ZNF385D: variants seen among roughly 807,000 people sequenced by gnomAD.
The protein encoded by ZNF385D is zinc finger protein 659.
ZNF385D carries 15 observed loss-of-function variants against 35.8 expected under a neutral mutation model. That is an observed-to-expected ratio of 0.42 (90% CI 0.28 to 0.64). The LOEUF (loss-of-function observed/expected upper bound fraction) is 0.64. Among genes scored for constraint, ZNF385D ranks in the 30% least tolerant of loss-of-function variants. The pLI is 0.23. For synonymous variants in ZNF385D, 212 were observed against 186.8 expected, an observed-to-expected ratio of 1.13 and a Z score of -1.10; for missense variants, 474 against 494.6, an observed-to-expected ratio of 0.96 and a Z score of 0.39.
At chr3:22,277,088 C>A (rs1227151035) in intron 2 of ZNF385D, among the ~76,000 whole-genome samples, 6 of 152,072 alleles carry the variant, frequency 3.9e-5, no homozygotes, top group Non-Finnish European at 5.9e-5. Flanking sequence ...GCTCAAAATT[C>A]TAATTCTAAG....
At position 21,419,356 on chromosome 3, in the gene ZNF385D, A is replaced by C. The variant is rs1700643818; in HGVS notation, c.*1858T>G. On this transcript the variant is annotated 3_prime_UTR_variant, in exon 8 of 8. Coordinates refer to ENST00000281523, the MANE Select transcript of ZNF385D (RefSeq NM_024697.3). ...TAGATGGTGGAGAAGAACTCCAAAA[A>C]ACCATGTTTAATGTTGAGCACCAAG... 6.6e-6 allele frequency: 1 copy of C among 152,082 alleles called. No homozygotes were observed. The highest frequency in any genetic ancestry group is 6.6e-5 in the Admixed American group (1 of 15,252). The allele number at this position is 152,082 out of a possible 1,614,324, so 9.4% of individuals were successfully genotyped here. A position where few individuals can be genotyped will look rare whatever the true frequency, so the allele number is the denominator to read the frequency against.
chr3:21,955,922 A>C (rs1702262528), intron 3 of ZNF385D, among the ~76,000 whole-genome samples: 1 of 152,122 alleles, frequency 6.6e-6, no homozygotes, highest in Non-Finnish European at 1.5e-5. Flanking sequence ...ATAATGGATC[A>C]GGTCTGAAAT....
intron 3 of ZNF385D, among the ~76,000 whole-genome samples, chr3:22,072,328 T>C (rs937438676): frequency 3.2e-5 from 4 of 123,366 alleles, no homozygotes; most frequent in African/African-American, 7.6e-5. Context: ...TGGAAGTTAT[T>C]TGTGAACGGA....
intron 3 of ZNF385D, among the ~76,000 whole-genome samples, chr3:22,009,492 G>A (rs913791918): frequency 6.6e-6 from 1 of 151,436 alleles, no homozygotes; most frequent in Non-Finnish European, 1.5e-5. Context: ...GCGTGGTGTC[G>A]GGTGCCTATA....
intron 2 of ZNF385D, among the ~76,000 whole-genome samples, chr3:22,365,371 A>G (rs949499907): frequency 7.9e-5 from 12 of 152,112 alleles, no homozygotes; most frequent in Admixed American, 2.6e-4. Flanking sequence ...AGAATTCTAA[A>G]AAATGGTTCT....
At chr3:21,508,914 G>A (rs1215360082) in intron 4 of ZNF385D, among the ~76,000 whole-genome samples, 1 of 151,108 alleles carries the variant, frequency 6.6e-6, no homozygotes, top group Non-Finnish European at 1.5e-5. Flanking sequence ...TAAGTTAAGA[G>A]ATGAAAGTAT....
At chr3:21,640,863 A>G (rs2065583971) in intron 2 of ZNF385D, among the ~76,000 whole-genome samples, 1 of 152,130 alleles carries the variant, frequency 6.6e-6, no homozygotes, top group African/African-American at 2.4e-5. Flanking sequence ...CCAATTCACT[A>G]ACTATAACAA....
chr3:21,967,032 G>A (rs1702953373), intron 3 of ZNF385D, among the ~76,000 whole-genome samples: 1 of 152,106 alleles, frequency 6.6e-6, no homozygotes, highest in Non-Finnish European at 1.5e-5. Context: ...ATTAAAATCT[G>A]TATAGTAAAA....
chr3:21,869,885 T>C (rs565670979), intron 3 of ZNF385D, among the ~76,000 whole-genome samples: 76 of 152,122 alleles, frequency 5.0e-4, no homozygotes, highest in African/African-American at 1.8e-3. Flanking sequence ...AAACATAGAA[T>C]TGCAAATTAA....
At chr3:22,033,566 A>G (rs1291807310) in intron 3 of ZNF385D, among the ~76,000 whole-genome samples, 2 of 152,064 alleles carry the variant, frequency 1.3e-5, no homozygotes, top group East Asian at 3.9e-4. Flanking sequence ...TCACAGAAGG[A>G]GGTAGTATCT....
intron 3 of ZNF385D, among the ~76,000 whole-genome samples, chr3:21,900,302 G>A (rs1699334361): frequency 6.6e-6 from 1 of 152,020 alleles, no homozygotes; most frequent in Non-Finnish European, 1.5e-5. Context: ...AAATGTGAAA[G>A]GCAAATCAAA....
At chr3:22,076,851 T>A (rs539363004) in intron 3 of ZNF385D, among the ~76,000 whole-genome samples, 1 of 152,090 alleles carries the variant, frequency 6.6e-6, no homozygotes, top group African/African-American at 2.4e-5. Context: ...TAGGAAATTA[T>A]CCATTTTAAA....
intron 3 of ZNF385D, among the ~76,000 whole-genome samples, chr3:22,131,210 A>G (rs1436436227): frequency 2.6e-5 from 4 of 152,280 alleles, no homozygotes; most frequent in South Asian, 4.1e-4. Flanking sequence ...GAACTAGCAA[A>G]TAAGACAGAG....
intron 3 of ZNF385D, among the ~76,000 whole-genome samples, chr3:22,072,914 G>C (rs1700296267): frequency 6.6e-6 from 1 of 151,860 alleles, no homozygotes; most frequent in Non-Finnish European, 1.5e-5. Context: ...GAAGATTCAG[G>C]GCCAAGAGAA....
At chr3:22,126,485 A>G (rs1344178117) in intron 3 of ZNF385D, among the ~76,000 whole-genome samples, 3 of 151,840 alleles carry the variant, frequency 2.0e-5, no homozygotes, top group South Asian at 2.1e-4. Context: ...CCATGTGTAC[A>G]CTTTTCAAAC....
chr3:22,254,523 T>A (rs2125333520), intron 2 of ZNF385D, among the ~76,000 whole-genome samples: 1 of 151,954 alleles, frequency 6.6e-6, no homozygotes, highest in Non-Finnish European at 1.5e-5. Context: ...ATAAAATATG[T>A]ATATTTCCTA....
intron 2 of ZNF385D, among the ~76,000 whole-genome samples, chr3:22,214,970 G>A (rs2638131): frequency 0.2 from 30,822 of 151,710 alleles, 3,353 homozygotes; most frequent in African/African-American, 0.28. Context: ...CTGGTTTTAC[G>A]GCTCAGGGGG....
chr3:22,109,149 C>G (rs1036951129), intron 3 of ZNF385D, among the ~76,000 whole-genome samples: 1 of 152,168 alleles, frequency 6.6e-6, no homozygotes, highest in Non-Finnish European at 1.5e-5. Context: ...TATTTGACTT[C>G]TGCTCCTTCA....
At chr3:22,166,140 T>C (rs958447461) in intron 3 of ZNF385D, among the ~76,000 whole-genome samples, 1 of 152,176 alleles carries the variant, frequency 6.6e-6, no homozygotes, top group African/African-American at 2.4e-5. Context: ...TGACCTAAGA[T>C]GACCAAGTAT....
Sources: allele counts gnomAD v4.1 joint callset (sites outside exome capture counted in the v4.1 genomes callset), GRCh38; gene constraint gnomAD v4.1.1; transcripts MANE v1.5; gene names NCBI Gene and HGNC (gene_info 2026-07-23, HGNC 2026-07-21).